The following THSD4 variants were observed in gnomAD, a reference collection of about 807,000 sequenced individuals.
The protein encoded by THSD4 is thrombospondin type 1 domain containing 4.
THSD4 carries 69 observed loss-of-function variants against 119.0 expected under a neutral mutation model. The observed-to-expected ratio is 0.58, with a 90% CI of 0.48 to 0.71. The LOEUF is 0.71. Ranked by LOEUF, THSD4 falls within the 30% of genes least tolerant of loss-of-function variation. The probability of loss-of-function intolerance (pLI) is 0.00; values close to 1 mark genes in which losing one functional copy is unlikely to be tolerated. For synonymous variants in THSD4, 524 were observed against 540.4 expected (o/e 0.97, Z 0.42); for missense variants, 1,393 against 1,391.1 (o/e 1.00, Z -0.02).
At chr15:71,303,094 C>T (rs2044974896) in intron 6 of THSD4, among the ~76,000 whole-genome samples, 1 of 152,120 alleles carries the variant, frequency 6.6e-6, no homozygotes, top group Non-Finnish European at 1.5e-5. Context: ...ATAAGCTTTC[C>T]TACCCAGGAG....
chr15:71,589,379 A>T (rs888021574), intron 7 of THSD4, among the ~76,000 whole-genome samples: 2 of 128,934 alleles, frequency 1.6e-5, no homozygotes, highest in African/African-American at 5.3e-5. Flanking sequence ...TTTATTGGAG[A>T]CAGAGTCTCA....
chr15:71,607,364 G>A (rs1426112080), intron 7 of THSD4, among the ~76,000 whole-genome samples: 4 of 152,238 alleles, frequency 2.6e-5, no homozygotes, highest in Admixed American at 6.5e-5. Flanking sequence ...AGCCTGAGAG[G>A]TGACCATGGT....
At chr15:71,699,465 C>A (rs993069016) in intron 8 of THSD4, among the ~76,000 whole-genome samples, 1 of 152,170 alleles carries the variant, frequency 6.6e-6, no homozygotes, top group East Asian at 1.9e-4. Flanking sequence ...AATTATACCT[C>A]AATAAAGTGG....
At chr15:71,417,791 T>A (rs2140512216) in intron 7 of THSD4, among the ~76,000 whole-genome samples, 1 of 109,094 alleles carries the variant, frequency 9.2e-6, no homozygotes. Flanking sequence ...ATTGGTATTT[T>A]GATAAGGATT....
chr15:71,511,923 A>G (rs1243339086), intron 7 of THSD4, among the ~76,000 whole-genome samples: 1 of 152,198 alleles, frequency 6.6e-6, no homozygotes, highest in East Asian at 1.9e-4. Context: ...AAGGATCTTT[A>G]TTGGCAACCC....
chr15:71,243,912 G>A (rs529541890), intron 5 of THSD4, among the ~76,000 whole-genome samples: 1 of 151,242 alleles, frequency 6.6e-6, no homozygotes, highest in South Asian at 2.1e-4. Context: ...AGCCTCCCGA[G>A]TAGCTGGGAC....
intron 8 of THSD4, among the ~76,000 whole-genome samples, chr15:71,700,408 A>G (rs2052261548): frequency 6.6e-6 from 1 of 152,168 alleles, no homozygotes; most frequent in Non-Finnish European, 1.5e-5. Context: ...AAAGAAAAAC[A>G]AACTTTACTA....
intron 7 of THSD4, among the ~76,000 whole-genome samples, chr15:71,650,312 T>C (rs554095552): frequency 2.0e-5 from 3 of 152,236 alleles, no homozygotes; most frequent in East Asian, 3.9e-4. Flanking sequence ...TGACCCACAA[T>C]GTAGAGCAGC....
chr15:71,773,200 CAA>C (rs5813665), intron 17 of THSD4, among the ~76,000 whole-genome samples: 22 of 54,054 alleles, frequency 4.1e-4, no homozygotes, highest in Admixed American at 3.1e-3. Context: ...GACCATGTCT[CAA>C]AAAAAAAAAA....
At chr15:71,351,723 G>GC (rs1452361390) in intron 6 of THSD4, among the ~76,000 whole-genome samples, 2 of 152,206 alleles carry the variant, frequency 1.3e-5, no homozygotes, top group African/African-American at 4.8e-5. Flanking sequence ...TCTCTGCTGG[G>GC]CTGGTGATGG....
intron 8 of THSD4, among the ~76,000 whole-genome samples, chr15:71,686,131 A>C (rs1377855895): frequency 6.6e-6 from 1 of 152,234 alleles, no homozygotes; most frequent in Non-Finnish European, 1.5e-5. Flanking sequence ...TGTACAGTTC[A>C]GTGGCATTAA....
At chr15:71,435,775 A>T (rs1423529901) in intron 7 of THSD4, among the ~76,000 whole-genome samples, 1 of 152,180 alleles carries the variant, frequency 6.6e-6, no homozygotes, top group African/African-American at 2.4e-5. Context: ...CAGACCTGCC[A>T]ACCTGTGACG....
chr15:71,440,378 A>G (rs1368145051), intron 7 of THSD4, among the ~76,000 whole-genome samples: 1 of 152,236 alleles, frequency 6.6e-6, no homozygotes, highest in East Asian at 1.9e-4. Context: ...TACTTCACAC[A>G]TACAATATGA....
intron 7 of THSD4, among the ~76,000 whole-genome samples, chr15:71,528,964 G>A (rs1412231057): frequency 2.0e-5 from 3 of 152,158 alleles, no homozygotes; most frequent in Admixed American, 6.5e-5. Context: ...AGACTCTTTC[G>A]TTGTCTGCCA....
chr15:71,506,723 G>A (rs1390956956), intron 7 of THSD4, among the ~76,000 whole-genome samples: 1 of 152,230 alleles, frequency 6.6e-6, no homozygotes, highest in African/African-American at 2.4e-5. Context: ...TGAAGAGCAG[G>A]TTGTCTTTCC....
At chr15:71,116,960 C>T (rs1694263252) in intron 1 of THSD4, among the ~76,000 whole-genome samples, 1 of 151,974 alleles carries the variant, frequency 6.6e-6, no homozygotes, top group African/African-American at 2.4e-5. Context: ...TAGTTGAATT[C>T]CTTTAGAAAA....
At chr15:71,133,850 T>G (rs2040526098) in intron 1 of THSD4, among the ~76,000 whole-genome samples, 1 of 152,234 alleles carries the variant, frequency 6.6e-6, no homozygotes, top group African/African-American at 2.4e-5. Flanking sequence ...ACCACACCAC[T>G]GTTAATGACC....
chr15:71,467,375 C>T (rs1042510698), intron 7 of THSD4, among the ~76,000 whole-genome samples: 3 of 151,978 alleles, frequency 2.0e-5, no homozygotes, highest in Non-Finnish European at 4.4e-5. Context: ...GAAATGAATA[C>T]CTGAAGAAAT....
chr15:71,243,208 C>T (rs2044170127), intron 5 of THSD4, 112 bp downstream of exon 5: 1 of 1,056,728 alleles, frequency 9.5e-7, no homozygotes. Context: ...GCCATGTTAA[C>T]ACACCTTTTA....
Sources: allele counts gnomAD v4.1 joint callset (sites outside exome capture counted in the v4.1 genomes callset), GRCh38; gene constraint gnomAD v4.1.1; transcripts MANE v1.5; gene names NCBI Gene and HGNC (gene_info 2026-07-23, HGNC 2026-07-21).